The following PGM1 variants were observed in gnomAD, a reference collection of about 807,000 sequenced individuals.
The protein encoded by PGM1 is phosphoglucomutase-1.
In PGM1, 52 loss-of-function variants were observed where a neutral mutation model predicts 55.6. The ratio of observed to expected loss-of-function variants is 0.94; its 90% CI spans 0.75 to 1.18. PGM1 has a LOEUF of 1.18. PGM1 is among the 50% of genes most tolerant of loss of function. PGM1 has a pLI of 0.00. For synonymous variants in PGM1, 287 were observed against 271.7 expected, an observed-to-expected ratio of 1.06 and a Z score of -0.55; for missense variants, 724 against 729.3, an observed-to-expected ratio of 0.99 and a Z score of 0.08.
chr1:63,632,590 G>A (rs902251100), intron 4 of PGM1, among the ~76,000 whole-genome samples: 1 of 152,204 alleles, frequency 6.6e-6, no homozygotes, highest in South Asian at 2.1e-4. Context: ...AAGCGATTCT[G>A]TCATTTTAAA....
In PGM1 at chr1:63,648,594, A is replaced by G. The variant is rs1377482414; in HGVS notation, c.1222A>G (p.Ser408Gly). Residue 408 changes from serine (S) to glycine (G), a missense_variant, in exon 8 of 11, where the codon AGT (serine) becomes GGT (glycine). Around this residue, in one of 3 missense-constraint regions of PGM1, gnomAD observed 316 missense variants for 313.1 expected, o/e 1.01. Transcript: ENST00000371084. The stretch of plus-strand genomic sequence containing the variant: ...CTCCATCCTAGCCACCCGCAAGCAG[A>G]GTGTGGAGGACATTCTCAAAGATCA... ...WLSILATRKQ[S>G]VEDILKDHWQ... 3 of 1,614,040 alleles carry G rather than the reference A, an allele frequency of 1.9e-6. No individual in the cohort carries two copies. Among genetic ancestry groups the G allele is most frequent in the East Asian group, 4.5e-5 (2 of 44,870 alleles).
intron 1 of PGM1, among the ~76,000 whole-genome samples, chr1:63,604,348 A>G (rs1040917782): frequency 7.2e-5 from 11 of 152,268 alleles, no homozygotes; most frequent in Admixed American, 4.6e-4. Flanking sequence ...GTTGGGACCC[A>G]GCCTCTTTAA....
chr1:63,608,031 AAC>A (rs1431235885), intron 1 of PGM1, among the ~76,000 whole-genome samples: 2 of 152,350 alleles, frequency 1.3e-5, no homozygotes, highest in Middle Eastern at 3.4e-3. Context: ...AGACAGTAAA[AAC>A]AGTTACCCAC....
At chr1:63,597,649 C>T (rs1648118961) in intron 1 of PGM1, among the ~76,000 whole-genome samples, 1 of 152,140 alleles carries the variant, frequency 6.6e-6, no homozygotes, top group Non-Finnish European at 1.5e-5. Flanking sequence ...TTTATTGGCC[C>T]ATGTTACTGA....
At chr1:63,607,020 AT>A (rs1297260900) in intron 1 of PGM1, among the ~76,000 whole-genome samples, 1 of 152,220 alleles carries the variant, frequency 6.6e-6, no homozygotes, top group East Asian at 1.9e-4. Flanking sequence ...ATCATTCAAT[AT>A]TTTTTAGTCT....
intron 1 of PGM1, among the ~76,000 whole-genome samples, chr1:63,622,044 CA>C (rs1648890581): frequency 6.6e-6 from 1 of 152,148 alleles, no homozygotes; most frequent in Admixed American, 6.6e-5. Context: ...CTTAATTCCT[CA>C]GTGCATGTTT....
At chr1:63,620,659 C>T (rs1164102408) in intron 1 of PGM1, among the ~76,000 whole-genome samples, 1 of 152,152 alleles carries the variant, frequency 6.6e-6, no homozygotes, top group African/African-American at 2.4e-5. Context: ...CTATGCTCTA[C>T]TGGGAAGGTA....
intron 1 of PGM1, among the ~76,000 whole-genome samples, chr1:63,617,361 C>G (rs528214360): frequency 1.3e-5 from 2 of 152,176 alleles, no homozygotes; most frequent in South Asian, 4.2e-4. Flanking sequence ...TCAGTGAGCC[C>G]CTATGAGGCC....
At chr1:63,612,542 C>G (rs1020811021) in intron 1 of PGM1, among the ~76,000 whole-genome samples, 3 of 152,172 alleles carry the variant, frequency 2.0e-5, no homozygotes, top group African/African-American at 7.2e-5. Context: ...AGCTGGGACC[C>G]TCTTTTTCTC....
chr1:63,642,736 G>T (rs2269244), intron 7 of PGM1, among the ~76,000 whole-genome samples: 1 of 151,922 alleles, frequency 6.6e-6, no homozygotes, highest in Non-Finnish European at 1.5e-5. Flanking sequence ...TCCCTGTCCT[G>T]TCTTTAAAGG....
chr1:63,633,343 A>G (rs1182538326), intron 4 of PGM1, among the ~76,000 whole-genome samples: 1 of 152,112 alleles, frequency 6.6e-6, no homozygotes, highest in Non-Finnish European at 1.5e-5. Flanking sequence ...GGGTAAGAGG[A>G]GCTTCTCCGG....
chr1:63,646,229 C>T (rs1557440768), intron 7 of PGM1, among the ~76,000 whole-genome samples: 1 of 152,120 alleles, frequency 6.6e-6, no homozygotes, highest in Non-Finnish European at 1.5e-5. Flanking sequence ...ATAAAGAATT[C>T]AACATAGGAT....
At chr1:63,626,218 A>G (rs1649010941) in intron 1 of PGM1, among the ~76,000 whole-genome samples, 1 of 152,126 alleles carries the variant, frequency 6.6e-6, no homozygotes, top group Non-Finnish European at 1.5e-5. Context: ...AATGTACATA[A>G]CATCAGATTT....
chr1:63,649,499 A>T (rs1649747983), intron 8 of PGM1, among the ~76,000 whole-genome samples: 1 of 152,204 alleles, frequency 6.6e-6, no homozygotes, highest in Admixed American at 6.5e-5. Context: ...ATATTAGATG[A>T]ATTGTTTATG....
At chr1:63,602,779 C>A (rs989702303) in intron 1 of PGM1, among the ~76,000 whole-genome samples, 3 of 152,086 alleles carry the variant, frequency 2.0e-5, no homozygotes, top group Non-Finnish European at 4.4e-5. Context: ...TCATGGTGAT[C>A]TCGTAGGTTG....
At position 63,629,722 on chromosome 1, in the gene PGM1, G is replaced by T. The variant is rs139577383; in HGVS notation, c.409+135G>T. The T allele has an allele frequency of 3.1e-5, 30 of 972,026 alleles. No individual in the cohort carries two copies. The Middle Eastern group carries it at 1.3e-3, about 41-fold the overall frequency. The allele number at this position is 972,026 out of a possible 1,614,324, so 60.2% of individuals were successfully genotyped here. ...GGGAGGTGCTCTTTGCTTCCTTTCA[G>T]TGACAGTGAAATGCTTCTCATTTGA... is the stretch of plus-strand genomic sequence containing the variant. On this transcript the variant is annotated intron_variant, in intron 2 of 10. Transcript: ENST00000371084.
At chr1:63,627,968 A>G (rs1456917749) in intron 1 of PGM1, among the ~76,000 whole-genome samples, 1 of 152,150 alleles carries the variant, frequency 6.6e-6, no homozygotes, top group Non-Finnish European at 1.5e-5. Flanking sequence ...TTGTCGTGTC[A>G]TCTACGCCAG....
intron 10 of PGM1, 76 bp from the exon 11 acceptor site, chr1:63,659,510 C>A: frequency 8.4e-7 from 1 of 1,194,570 alleles, no homozygotes; most frequent in Non-Finnish European, 1.3e-6. Flanking sequence ...AGTAGGCAGT[C>A]AGACGTACGG....
chr1:63,613,543 T>C (rs1312275719), intron 1 of PGM1, among the ~76,000 whole-genome samples: 2 of 152,060 alleles, frequency 1.3e-5, no homozygotes, highest in Non-Finnish European at 2.9e-5. Context: ...TATGTATCTC[T>C]TCTGTCTCTG....
Sources: allele counts gnomAD v4.1 joint callset (sites outside exome capture counted in the v4.1 genomes callset), GRCh38; gene constraint gnomAD v4.1.1; regional missense constraint gnomAD v4.1.1; transcripts MANE v1.5; gene names NCBI Gene and HGNC (gene_info 2026-07-23, HGNC 2026-07-21).